The following PCDH9 variants were observed in gnomAD, a reference collection of about 807,000 sequenced individuals.
The protein encoded by PCDH9 is protocadherin-9.
PCDH9 carries 24 observed loss-of-function variants against 70.6 expected under a neutral mutation model. The observed-to-expected ratio is 0.34, with a 90% CI of 0.25 to 0.48. PCDH9 has a LOEUF of 0.48. Ranked by LOEUF, PCDH9 falls within the 20% of genes least tolerant of loss-of-function variation. The pLI is 0.99. For missense variants in PCDH9, 1,281 were observed against 1,503.6 expected (o/e 0.85, Z 2.45); for synonymous variants, 562 against 558.5 (o/e 1.01, Z -0.09).
At chr13:66,371,945 T>C (rs1396249621) in intron 4 of PCDH9, among the ~76,000 whole-genome samples, 1 of 152,084 alleles carries the variant, frequency 6.6e-6, no homozygotes, top group Non-Finnish European at 1.5e-5. Flanking sequence ...CTACAAGCCC[T>C]GCTTGAATAG....
intron 4 of PCDH9, among the ~76,000 whole-genome samples, chr13:66,515,943 CT>C (rs1422888604): frequency 6.6e-6 from 1 of 151,968 alleles, no homozygotes; most frequent in East Asian, 1.9e-4. Context: ...AGGAGGATGA[CT>C]TTACCACATT....
Position 66,358,126 on chromosome 13 carries a change from A to G in PCDH9, c.3341-53098T>C, listed in dbSNP as rs375232180. ...GTCTGCCAAAATTCAGGGTAGGTTT[A>G]TAATTCTAGAATAATACTTTTCATA... On this transcript the variant is annotated intron_variant, in intron 4 of 4. Coordinates refer to ENST00000377865, the MANE Select transcript of PCDH9 (RefSeq NM_203487.3). 2.6e-5 allele frequency among the ~76,000 whole-genome samples: 4 copies of G among 152,176 alleles called. No homozygotes were observed. The East Asian group carries it at 7.7e-4, about 29-fold the overall frequency.
intron 4 of PCDH9, among the ~76,000 whole-genome samples, chr13:66,373,618 A>G (rs1185501876): frequency 6.6e-6 from 1 of 152,052 alleles, no homozygotes; most frequent in Non-Finnish European, 1.5e-5. Flanking sequence ...AATACAGTGA[A>G]TAGTGGAGAG....
chr13:66,437,724 C>T (rs577341858), intron 4 of PCDH9, among the ~76,000 whole-genome samples: 1 of 152,196 alleles, frequency 6.6e-6, no homozygotes, highest in Non-Finnish European at 1.5e-5. Context: ...CTTTGGAATT[C>T]TGCTTGGCTT....
At chr13:66,463,922 G>A (rs934480818) in intron 4 of PCDH9, among the ~76,000 whole-genome samples, 1 of 151,742 alleles carries the variant, frequency 6.6e-6, no homozygotes, top group Non-Finnish European at 1.5e-5. Flanking sequence ...CATATGATTA[G>A]ATGTCTAGGG....
intron 3 of PCDH9, among the ~76,000 whole-genome samples, chr13:66,642,907 A>T (rs942214808): frequency 1.3e-5 from 2 of 152,034 alleles, no homozygotes; most frequent in Non-Finnish European, 1.5e-5. Context: ...TTAAATAAAG[A>T]TCAGTCTCAA....
chr13:66,988,431 C>T (rs1266453172), intron 2 of PCDH9, among the ~76,000 whole-genome samples: 1 of 151,934 alleles, frequency 6.6e-6, no homozygotes, highest in Non-Finnish European at 1.5e-5. Context: ...TTTATCCTCA[C>T]TAAGCACAAA....
intron 4 of PCDH9, among the ~76,000 whole-genome samples, chr13:66,389,526 TAACTTTAATGGTATATAAATA>T (rs1304425182): frequency 6.6e-6 from 1 of 152,190 alleles, no homozygotes; most frequent in Non-Finnish European, 1.5e-5. Flanking sequence ...GATTTGTACA[TAACTTTAATGGTATATAAATA>T]AACTTTAATG....
At chr13:66,625,271 A>G (rs2077483592) in intron 4 of PCDH9, among the ~76,000 whole-genome samples, 2 of 152,184 alleles carry the variant, frequency 1.3e-5, no homozygotes. Context: ...TATGATACTG[A>G]AGAAAGGAAC....
chr13:67,097,091 C>CAA (rs11454471), intron 2 of PCDH9, among the ~76,000 whole-genome samples: 164 of 142,280 alleles, frequency 1.2e-3, no homozygotes, highest in Middle Eastern at 7.4e-3. Flanking sequence ...ACAGAAAATA[C>CAA]AAAAAAAAAA....
At chr13:66,759,170 A>C (rs991551968) in intron 3 of PCDH9, among the ~76,000 whole-genome samples, 1 of 151,850 alleles carries the variant, frequency 6.6e-6, no homozygotes, top group Non-Finnish European at 1.5e-5. Context: ...AGCTGCTCTG[A>C]AGTTGGGTAC....
chr13:66,482,696 CA>C (rs1277891746), intron 4 of PCDH9, among the ~76,000 whole-genome samples: 1 of 152,170 alleles, frequency 6.6e-6, no homozygotes, highest in African/African-American at 2.4e-5. Context: ...TCAGCATCAG[CA>C]GTGTTTTTAT....
intron 4 of PCDH9, among the ~76,000 whole-genome samples, chr13:66,366,418 A>G (rs1956556101): frequency 6.6e-6 from 1 of 152,004 alleles, no homozygotes; most frequent in Admixed American, 6.6e-5. Context: ...TTTCTCTTCT[A>G]GGACGCTATC....
chr13:67,128,280 A>T (rs2087027527), intron 2 of PCDH9, among the ~76,000 whole-genome samples: 1 of 152,214 alleles, frequency 6.6e-6, no homozygotes, highest in Admixed American at 6.5e-5. Flanking sequence ...GGATATGCTG[A>T]AATTTTTCCA....
intron 3 of PCDH9, among the ~76,000 whole-genome samples, chr13:66,808,426 T>C (rs1465996677): frequency 6.6e-6 from 1 of 152,188 alleles, no homozygotes; most frequent in East Asian, 1.9e-4. Flanking sequence ...GATATATATT[T>C]TTTACATTTA....
chr13:66,815,370 C>A (rs1288857102), intron 3 of PCDH9, among the ~76,000 whole-genome samples: 1 of 152,098 alleles, frequency 6.6e-6, no homozygotes, highest in African/African-American at 2.4e-5. Flanking sequence ...TCAGCAATTT[C>A]TCAAAGAATT....
intron 2 of PCDH9, among the ~76,000 whole-genome samples, chr13:66,912,287 A>C (rs2082480656): frequency 6.6e-6 from 1 of 152,136 alleles, no homozygotes; most frequent in South Asian, 2.1e-4. Flanking sequence ...AGAATACACA[A>C]GTCAAGCCCT....
intron 4 of PCDH9, among the ~76,000 whole-genome samples, chr13:66,378,917 G>C (rs1006292683): frequency 4.6e-5 from 7 of 152,186 alleles, no homozygotes; most frequent in Admixed American, 3.9e-4. Context: ...GAATTAGAAA[G>C]ATGACACAGT....
At chr13:66,609,623 A>T (rs1466825420) in intron 4 of PCDH9, among the ~76,000 whole-genome samples, 2 of 152,066 alleles carry the variant, frequency 1.3e-5, no homozygotes, top group Non-Finnish European at 2.9e-5. Context: ...CTGTTTTCAG[A>T]ATTTTAACAC....
Sources: allele counts gnomAD v4.1 joint callset (sites outside exome capture counted in the v4.1 genomes callset), GRCh38; gene constraint gnomAD v4.1.1; transcripts MANE v1.5; gene names NCBI Gene and HGNC (gene_info 2026-07-23, HGNC 2026-07-21).